The following EFHC2 variants were observed in gnomAD, a reference collection of about 807,000 sequenced individuals.
EFHC2 encodes the protein EF-hand domain-containing family member C2.
Under a neutral mutation model 52.7 loss-of-function variants are expected in EFHC2, and 18 were observed. That is an observed-to-expected ratio of 0.34 (90% CI 0.24 to 0.51). EFHC2 has a LOEUF of 0.51. Ranked by LOEUF, EFHC2 falls within the 20% of genes least tolerant of loss-of-function variation. The pLI is 0.97. For missense variants in EFHC2, 513 were observed against 562.5 expected, an observed-to-expected ratio of 0.91 and a Z score of 0.89; for synonymous variants, 203 against 204.1, an observed-to-expected ratio of 0.99 and a Z score of 0.04.
At chrX:44,280,102 A>G (rs773736844) in intron 2 of EFHC2, among the ~76,000 whole-genome samples, 1 of 107,929 alleles carries the variant, frequency 9.3e-6, no homozygotes, top group South Asian at 4.0e-4. Flanking sequence ...CCTAGGCATC[A>G]GTAATTTTTA....
intron 8 of EFHC2, among the ~76,000 whole-genome samples, chrX:44,238,126 C>T (rs2037333794): frequency 9.0e-6 from 1 of 111,362 alleles, no homozygotes; most frequent in East Asian, 2.8e-4. Flanking sequence ...TAAACCTACC[C>T]TATCTCCAGT....
chrX:44,310,491 A>C (rs903852136), intron 2 of EFHC2: 5 of 536,801 alleles, frequency 9.3e-6, no homozygotes, highest in Non-Finnish European at 1.4e-5. Context: ...GTAGCGCGGC[A>C]AAGGAGAGTG....
intron 9 of EFHC2, among the ~76,000 whole-genome samples, chrX:44,234,480 A>G (rs2037302235): frequency 8.9e-6 from 1 of 112,417 alleles, no homozygotes; most frequent in South Asian, 3.7e-4. Flanking sequence ...ACCAGCTCAT[A>G]GGAGCTGACA....
At chrX:44,306,847 G>C (rs1242648553) in intron 2 of EFHC2, among the ~76,000 whole-genome samples, 1 of 112,145 alleles carries the variant, frequency 8.9e-6, no homozygotes, top group African/African-American at 3.2e-5. Context: ...ACCTGTAAGG[G>C]AGTGAGGGAA....
chrX:44,283,270 C>A (rs1184042243), intron 2 of EFHC2, among the ~76,000 whole-genome samples: 1 of 111,761 alleles, frequency 8.9e-6, no homozygotes, highest in South Asian at 3.7e-4. Flanking sequence ...GCAAGCTCTG[C>A]CTCCCAGGTT....
At chrX:44,318,848 C>G (rs1198497443) in intron 1 of EFHC2, among the ~76,000 whole-genome samples, 1 of 110,664 alleles carries the variant, frequency 9.0e-6, no homozygotes, top group African/African-American at 3.3e-5. Flanking sequence ...CACTGGTTGC[C>G]AAATTGAACA....
At chrX:44,179,671 T>C (rs1223867094) in intron 11 of EFHC2, among the ~76,000 whole-genome samples, 5 of 112,099 alleles carry the variant, frequency 4.5e-5, no homozygotes, top group Non-Finnish European at 7.5e-5. Flanking sequence ...GTATTTTTAA[T>C]GGGAAATGAA....
intron 11 of EFHC2, among the ~76,000 whole-genome samples, chrX:44,214,910 C>T (rs916933714): frequency 1.8e-5 from 2 of 111,660 alleles, no homozygotes; most frequent in African/African-American, 3.3e-5. Flanking sequence ...TGAAACTGAA[C>T]TTATGATGTG....
At chrX:44,149,762 T>C (rs1298039239) in intron 14 of EFHC2, among the ~76,000 whole-genome samples, 2 of 112,040 alleles carry the variant, frequency 1.8e-5, no homozygotes, top group Admixed American at 9.5e-5. Context: ...AAGTTATATG[T>C]CCACCTCAGC....
At chrX:44,283,075 C>A (rs1254651529) in intron 2 of EFHC2, among the ~76,000 whole-genome samples, 1 of 112,033 alleles carries the variant, frequency 8.9e-6, no homozygotes, top group African/African-American at 3.2e-5. Flanking sequence ...GAAGCCCACC[C>A]AGGGGCACCC....
chrX:44,330,085 C>CAAAA (rs34888507), intron 1 of EFHC2, among the ~76,000 whole-genome samples: 465 of 45,827 alleles, frequency 0.01, 25 homozygotes, highest in African/African-American at 0.036. Context: ...CCTGTCTCTA[C>CAAAA]AAAAAAAAAA....
chrX:44,235,977 A>ACTTTTC (rs764162857), intron 8 of EFHC2, among the ~76,000 whole-genome samples: 51 of 109,551 alleles, frequency 4.7e-4, no homozygotes, highest in African/African-American at 1.7e-3. Flanking sequence ...GGAAAAATTA[A>ACTTTTC]CTTTTCCTTT....
chrX:44,340,098 T>C (rs146453625), intron 1 of EFHC2, among the ~76,000 whole-genome samples: 1 of 111,147 alleles, frequency 9.0e-6, no homozygotes, highest in African/African-American at 3.3e-5. Flanking sequence ...TATTCATGAG[T>C]CTAGAAATAG....
chrX:44,297,265 C>A (rs1413145857), intron 2 of EFHC2, among the ~76,000 whole-genome samples: 6 of 111,237 alleles, frequency 5.4e-5, no homozygotes, highest in Non-Finnish European at 1.1e-4. Context: ...TCTACTATAC[C>A]AAAGAGCCTC....
chrX:44,201,977 A>G (rs757755472), intron 11 of EFHC2, among the ~76,000 whole-genome samples: 84 of 111,835 alleles, frequency 7.5e-4, no homozygotes, highest in South Asian at 1.5e-3. Flanking sequence ...GAAAAAGACA[A>G]GGAGATCTGC....
intron 11 of EFHC2, among the ~76,000 whole-genome samples, chrX:44,213,082 CAAA>C (rs57451313): frequency 1.3e-4 from 8 of 59,293 alleles, no homozygotes; most frequent in Non-Finnish European, 1.9e-4. Flanking sequence ...TGCTAAAAGG[CAAA>C]AAAAAAAAAA....
rs1413961613 is a variant in EFHC2, at chrX:44,229,775, G to A, written c.1625C>T (p.Pro542Leu). ...NYMEQNTDKY[P>L]FSNLKLALQK... Reference sequence around the variant, plus strand: ...TAGGGCAAGTTTGAGGTTACTGAAAGGATACTGTAAGGGGGAAATGAAAGG... The same window carrying A: ...TAGGGCAAGTTTGAGGTTACTGAAAAGATACTGTAAGGGGGAAATGAAAGG... Residue 542 changes from proline (P) to leucine (L), a missense_variant, in exon 11 of 15, where the codon CCT (proline) becomes CTT (leucine). Coordinates refer to ENST00000420999, the MANE Select transcript of EFHC2 (RefSeq NM_025184.4). 8.3e-7 allele frequency: 1 copy of A among 1,208,172 alleles called. No individual in the cohort carries two copies. The highest frequency in any genetic ancestry group is 2.2e-5 in the Admixed American group (1 of 45,767).
At chrX:44,309,272 A>T in intron 2 of EFHC2, 1 of 545,575 alleles carries the variant, frequency 1.8e-6, no homozygotes, top group South Asian at 2.7e-5. Flanking sequence ...TTTTTATGAG[A>T]TGGAAAAAAA....
At position 44,163,948 on chromosome X, in the gene EFHC2, A is replaced by G. The variant is rs2036676613; in HGVS notation, c.2122T>C (p.Leu708=). ...TCTTTAAGGTATGATGCTGGTTGCAATTCAGGCACTGGATTCTTTCTCCAG... is the reference window on the plus strand; with the variant it reads ...TCTTTAAGGTATGATGCTGGTTGCAGTTCAGGCACTGGATTCTTTCTCCAG... ...LNWRKNPVPE[L]QPASYLKERC... The change falls in exon 14 of 15, where the codon TTG becomes CTG. Residue 708 remains leucine, a synonymous_variant. Transcript: ENST00000420999. 3 of 1,168,612 alleles carry G rather than the reference A, an allele frequency of 2.6e-6. No individual in the cohort carries two copies. The highest frequency in any genetic ancestry group is 6.4e-5 in the East Asian group (2 of 31,444).
Sources: gnomAD v4.1 joint callset for allele counts (sites outside exome capture counted in the v4.1 genomes callset) on GRCh38, gnomAD v4.1.1 for gene constraint, MANE v1.5 for transcripts, NCBI Gene and HGNC (gene_info 2026-07-23, HGNC 2026-07-21) for gene names.